The following ANKRD55 variants were observed in gnomAD, a reference collection of about 807,000 sequenced individuals.
The protein encoded by ANKRD55 is ankyrin repeat domain-containing protein 55.
In ANKRD55, 41 loss-of-function variants were observed where a neutral mutation model predicts 60.6. The ratio of observed to expected loss-of-function variants is 0.68; its 90% confidence interval spans 0.53 to 0.88. The LOEUF (loss-of-function observed/expected upper bound fraction) is 0.88. ANKRD55 is among the 40% of genes least tolerant of loss of function. The probability of loss-of-function intolerance (pLI) is 0.00; values close to 1 mark genes in which losing one functional copy is unlikely to be tolerated. For synonymous variants in ANKRD55, 264 were observed against 290.3 expected (o/e 0.91, Z 0.92); for missense variants, 732 against 767.6 (o/e 0.95, Z 0.55).
At chr5:56,109,214 A>G in intron 10 of ANKRD55, among the ~76,000 whole-genome samples, 1 of 152,186 alleles carries the variant, frequency 6.6e-6, no homozygotes, top group Non-Finnish European at 1.5e-5. Flanking sequence ...AGATGTTTAT[A>G]AAGCCTGTCT....
At chr5:56,210,027 A>C (rs1489417275) in intron 2 of ANKRD55, among the ~76,000 whole-genome samples, 1 of 151,998 alleles carries the variant, frequency 6.6e-6, no homozygotes, top group African/African-American at 2.4e-5. Flanking sequence ...TTAAAATTTG[A>C]GATGGAGTCT....
chr5:56,171,833 T>C (rs1341713469), intron 4 of ANKRD55, among the ~76,000 whole-genome samples: 1 of 152,112 alleles, frequency 6.6e-6, no homozygotes, highest in Non-Finnish European at 1.5e-5. Context: ...AAAATCAAAA[T>C]GTTGTCTGGG....
chr5:56,121,522 G>T (rs13161361), intron 8 of ANKRD55, among the ~76,000 whole-genome samples: 1 of 151,616 alleles, frequency 6.6e-6, no homozygotes, highest in Admixed American at 6.6e-5. Context: ...ACAGGCGCCC[G>T]CCACCACACC....
rs750497480 is a variant in ANKRD55, at chr5:56,143,928, C to A, written c.485G>T (p.Gly162Val). Residue 162 changes from glycine (G) to valine (V), a missense_variant and splice_region_variant, in exon 7 of 12, where the codon GGA (glycine) becomes GTA (valine). Gly to Val is a moderately radical substitution (Grantham distance 109). Transcript: ENST00000341048. ...AGCCGCCCAGTGGAGTGGTGTCATT[C>A]CCTGCAAAACAACAGTCAGAGAGGA... ...ISEINHQDNE[G>V]MTPLHWAAFH... The A allele has an allele frequency of 2.5e-6, 4 of 1,613,866 alleles. No homozygotes were observed. In the Admixed American group the frequency reaches 5.0e-5, roughly 20 times the overall value.
In ANKRD55 at chr5:56,111,448, T is replaced by C; in HGVS notation, c.1300A>G (p.Thr434Ala). 6.2e-7 allele frequency: 1 copy of C among 1,614,132 alleles called. No homozygotes were observed. ...AGGGTGATGGGTGGGAGACTCTGCG[T>C]TCTGATTGGTGGAAGCCCCTTACGG... is the stretch of plus-strand genomic sequence containing the variant. ...LARKGLPPIRTQSLPPITLGN... is the reference protein window; with the variant it reads ...LARKGLPPIRAQSLPPITLGN... Residue 434 changes from threonine to alanine, a missense_variant, in exon 10 of 12, where the codon ACG becomes GCG. Coordinates refer to ENST00000341048, the MANE Select transcript of ANKRD55 (RefSeq NM_024669.3).
chr5:56,165,859 G>A (rs1307691251), intron 5 of ANKRD55, among the ~76,000 whole-genome samples: 1 of 152,108 alleles, frequency 6.6e-6, no homozygotes, highest in African/African-American at 2.4e-5. Context: ...AACCCAGGAG[G>A]CGCAGTTTGT....
At chr5:56,209,622 G>A (rs760196771) in intron 2 of ANKRD55, among the ~76,000 whole-genome samples, 6 of 152,000 alleles carry the variant, frequency 3.9e-5, no homozygotes, top group Non-Finnish European at 5.9e-5. Flanking sequence ...GCCCGCCACC[G>A]CGCCTGGCTA....
intron 7 of ANKRD55, among the ~76,000 whole-genome samples, chr5:56,139,005 T>A (rs966063308): frequency 1.0e-4 from 15 of 148,506 alleles, no homozygotes; most frequent in Non-Finnish European, 2.2e-4. Flanking sequence ...GACCTGTCAG[T>A]GTAGGCTATC....
chr5:56,131,650 G>C, intron 7 of ANKRD55, among the ~76,000 whole-genome samples: 1 of 151,746 alleles, frequency 6.6e-6, no homozygotes, highest in East Asian at 1.9e-4. Flanking sequence ...ACAAAAATTA[G>C]CCGGGTGTGG....
chr5:56,102,500 G>T lies in ANKRD55; in HGVS notation c.1717C>A (p.Gln573Lys). ...TRNNLAPLPD[Q>K]KFLSGEPLRT... ...GAAGATTCATAATACTTACATTTTT[G>T]ATCTGGTAGGGGAGCTAGGTTGTTC... Residue 573 changes from glutamine to lysine, a missense_variant, in exon 11 of 12, where the codon CAA becomes AAA. Around this residue, in one of 3 missense-constraint regions of ANKRD55, gnomAD observed 597 missense variants for 607.5 expected, o/e 0.98. Transcript: ENST00000341048. The T allele has an allele frequency of 1.2e-6, 2 of 1,607,414 alleles. No homozygotes were observed. Among genetic ancestry groups the T allele is most frequent in the South Asian group, 1.1e-5 (1 of 90,640 alleles).
chr5:56,110,949 T>C, intron 10 of ANKRD55, 169 bp downstream of exon 10: 1 of 725,484 alleles, frequency 1.4e-6, no homozygotes, highest in Non-Finnish European at 2.2e-6. Flanking sequence ...TTTTCACAGC[T>C]CAGAAATCTC....
chr5:56,231,580 A>G (rs1760252805), intron 2 of ANKRD55, among the ~76,000 whole-genome samples: 1 of 151,966 alleles, frequency 6.6e-6, no homozygotes, highest in Non-Finnish European at 1.5e-5. Context: ...GGTGGTGGGC[A>G]CAGCTGTGAC....
chr5:56,104,441 T>C (rs1756387981), intron 10 of ANKRD55, among the ~76,000 whole-genome samples: 1 of 152,122 alleles, frequency 6.6e-6, no homozygotes, highest in Non-Finnish European at 1.5e-5. Context: ...CAGCAGTGAC[T>C]CGGAGATGAA....
Position 56,130,240 on chromosome 5 carries a change from C to T in ANKRD55, c.613-3134G>A, listed in dbSNP as rs949547660. On this transcript the variant is annotated intron_variant, in intron 7 of 11. Transcript: ENST00000341048. ...GTTCTTCTTAATAAAGTCTGTCCTCCGGAGAAACTAGTTAACCAGAGCCTA... is the reference window on the plus strand; with the variant it reads ...GTTCTTCTTAATAAAGTCTGTCCTCTGGAGAAACTAGTTAACCAGAGCCTA... 3.9e-5 allele frequency among the ~76,000 whole-genome samples: 6 copies of T among 152,032 alleles called. No individual in the cohort carries two copies. In the South Asian group the frequency reaches 6.2e-4, roughly 16 times the overall value.
chr5:56,203,512 T>A (rs187120858), intron 2 of ANKRD55, among the ~76,000 whole-genome samples: 1 of 152,188 alleles, frequency 6.6e-6, no homozygotes, highest in Non-Finnish European at 1.5e-5. Flanking sequence ...GTCCCCGGTG[T>A]GTGATGTTCC....
chr5:56,136,569 C>T (rs1757603642), intron 7 of ANKRD55, among the ~76,000 whole-genome samples: 1 of 152,102 alleles, frequency 6.6e-6, no homozygotes, highest in South Asian at 2.1e-4. Flanking sequence ...TAAACCTAGA[C>T]ACAGACCTTA....
intron 2 of ANKRD55, among the ~76,000 whole-genome samples, chr5:56,227,026 G>A (rs920281897): frequency 7.4e-6 from 1 of 136,004 alleles, no homozygotes; most frequent in Non-Finnish European, 1.6e-5. Context: ...CTGATATAAA[G>A]ACACATGCAC....
At chr5:56,173,580 C>CTATATATATA (rs1162215148) in intron 4 of ANKRD55, among the ~76,000 whole-genome samples, 9 of 59,768 alleles carry the variant, frequency 1.5e-4, no homozygotes, top group Admixed American at 7.1e-4. Flanking sequence ...CTCTCTCTCT[C>CTATATATATA]TCTATATATA....
At chr5:56,166,087 T>TC (rs199517186) in intron 5 of ANKRD55, among the ~76,000 whole-genome samples, 421 of 12,498 alleles carry the variant, frequency 0.034, 7 homozygotes, top group African/African-American at 0.09. Flanking sequence ...TTCTTTTCTT[T>TC]TTCTTTCTTT....
Sources: allele counts gnomAD v4.1 joint callset (sites outside exome capture counted in the v4.1 genomes callset), GRCh38; gene constraint gnomAD v4.1.1; regional missense constraint gnomAD v4.1.1; transcripts MANE v1.5; gene names NCBI Gene and HGNC (gene_info 2026-07-23, HGNC 2026-07-21).